DACH1: variants seen among roughly 807,000 people sequenced by gnomAD.
The protein encoded by DACH1 is dachshund homolog 1.
A neutral mutation model predicts 54.2 loss-of-function variants in DACH1; 12 were observed. The observed-to-expected ratio is 0.22, with a 90% CI of 0.14 to 0.36. The LOEUF is 0.36. Among genes scored for constraint, DACH1 ranks in the 10% least tolerant of loss-of-function variants. DACH1 has a pLI of 1.00. For missense variants in DACH1, 805 were observed against 929.8 expected, an observed-to-expected ratio of 0.87 and a Z score of 1.75; for synonymous variants, 386 against 366.2, an observed-to-expected ratio of 1.05 and a Z score of -0.62.
At chr13:71,532,817 T>C (rs1566321124) in intron 6 of DACH1, among the ~76,000 whole-genome samples, 2 of 152,088 alleles carry the variant, frequency 1.3e-5, no homozygotes, top group East Asian at 1.9e-4. Flanking sequence ...TATCAACTCA[T>C]ATATAAATAT....
chr13:71,649,224 G>C (rs1878505063), intron 2 of DACH1, among the ~76,000 whole-genome samples: 2 of 152,046 alleles, frequency 1.3e-5, no homozygotes. Flanking sequence ...GTATAGCCTA[G>C]GTATGTAGTA....
intron 1 of DACH1, among the ~76,000 whole-genome samples, chr13:71,784,064 A>C (rs1886494459): frequency 1.3e-5 from 2 of 151,938 alleles, no homozygotes; most frequent in Admixed American, 1.3e-4. Flanking sequence ...TGCCTTTATG[A>C]AATAGAGAGA....
At chr13:71,851,546 G>T (rs1873666498) in intron 1 of DACH1, among the ~76,000 whole-genome samples, 1 of 152,048 alleles carries the variant, frequency 6.6e-6, no homozygotes, top group South Asian at 2.1e-4. Flanking sequence ...ACTCCAGGGA[G>T]AATACTGAGC....
At chr13:71,463,315 A>C (rs1876267025) in intron 10 of DACH1, among the ~76,000 whole-genome samples, 2 of 152,010 alleles carry the variant, frequency 1.3e-5, no homozygotes, top group South Asian at 4.1e-4. Context: ...GTCTTGAGAA[A>C]AATGCAAGCT....
At chr13:71,653,012 T>G (rs1351789945) in intron 2 of DACH1, among the ~76,000 whole-genome samples, 1 of 152,184 alleles carries the variant, frequency 6.6e-6, no homozygotes, top group Non-Finnish European at 1.5e-5. Context: ...AGACCTCATC[T>G]TTCTACATAT....
At chr13:71,781,935 C>T (rs1263170935) in intron 1 of DACH1, among the ~76,000 whole-genome samples, 2 of 152,066 alleles carry the variant, frequency 1.3e-5, no homozygotes, top group South Asian at 2.1e-4. Context: ...TCAGATCATC[C>T]CATCTTCAGA....
Position 71,453,379 on chromosome 13 carries a change from C to T in DACH1, c.2084-12687G>A, listed in dbSNP as rs563448146. On this transcript the variant is annotated intron_variant, in intron 10 of 10. Coordinates refer to ENST00000613252, the MANE Select transcript of DACH1 (RefSeq NM_080759.6). ...ATTTCTTGTTTGATCAAATAAGATG[C>T]TACAGAGAAGGAAAACAGGGATATT... Among the ~76,000 whole-genome samples, 122 of 152,116 alleles carry T rather than the reference C, an allele frequency of 8.0e-4. 1 individual carries two copies. Among genetic ancestry groups the T allele is most frequent in the African/African-American group, 2.7e-3 (112 of 41,516 alleles).
chr13:71,459,222 A>C (rs1389786118), intron 10 of DACH1, among the ~76,000 whole-genome samples: 1 of 151,958 alleles, frequency 6.6e-6, no homozygotes, highest in Non-Finnish European at 1.5e-5. Context: ...TTGAAAATTC[A>C]AGAGGATATG....
At chr13:71,647,119 A>G (rs972279691) in intron 2 of DACH1, among the ~76,000 whole-genome samples, 13 of 152,218 alleles carry the variant, frequency 8.5e-5, no homozygotes, top group Non-Finnish European at 1.0e-4. Flanking sequence ...ACACTATCAA[A>G]TCACTTTATA....
At position 71,472,139 on chromosome 13, in the gene DACH1, A is replaced by G. The variant is rs138000476; in HGVS notation, c.2083+3002T>C. Among the ~76,000 whole-genome samples, 584 of 152,294 alleles carry G rather than the reference A, an allele frequency of 3.8e-3. 4 individuals are homozygous for G. The highest frequency in any genetic ancestry group is 0.01 in the Middle Eastern group (3 of 294). On this transcript the variant is annotated intron_variant, in intron 10 of 10. Transcript: ENST00000613252. The stretch of plus-strand genomic sequence containing the variant: ...TTCAGTTCCTGGAAGAAGTTTTTTT[A>G]AAATTTTTGAATGTCTGTTCTGTAC...
chr13:71,680,445 A>T (rs372006656), intron 2 of DACH1, among the ~76,000 whole-genome samples: 1 of 152,052 alleles, frequency 6.6e-6, no homozygotes, highest in Admixed American at 6.5e-5. Context: ...CTAGAAAAAA[A>T]ATACAAAAAT....
intron 1 of DACH1, among the ~76,000 whole-genome samples, chr13:71,759,430 T>C (rs964269267): frequency 1.3e-5 from 2 of 152,100 alleles, no homozygotes; most frequent in Admixed American, 1.3e-4. Context: ...AAACAAAACA[T>C]TAGTGAGAAA....
chr13:71,471,406 T>C (rs1038251814), intron 10 of DACH1, among the ~76,000 whole-genome samples: 1 of 151,956 alleles, frequency 6.6e-6, no homozygotes, highest in Non-Finnish European at 1.5e-5. Flanking sequence ...TATCTGGAGC[T>C]CTTAAGAGAT....
At chr13:71,753,290 C>T (rs1372459790) in intron 1 of DACH1, among the ~76,000 whole-genome samples, 1 of 152,034 alleles carries the variant, frequency 6.6e-6, no homozygotes, top group African/African-American at 2.4e-5. Flanking sequence ...ATCAATATCT[C>T]GCTGCAATAT....
intron 1 of DACH1, among the ~76,000 whole-genome samples, chr13:71,853,654 G>T (rs1873817318): frequency 6.6e-6 from 1 of 152,160 alleles, no homozygotes; most frequent in Non-Finnish European, 1.5e-5. Context: ...TTAAAAAAGA[G>T]ATTCTGCTTT....
chr13:71,565,468 A>C (rs1485164991), intron 4 of DACH1, among the ~76,000 whole-genome samples: 1 of 152,138 alleles, frequency 6.6e-6, no homozygotes, highest in Non-Finnish European at 1.5e-5. Flanking sequence ...CATCATTGAC[A>C]CTAAGAGTGG....
chr13:71,834,108 C>G (rs956057729), intron 1 of DACH1, among the ~76,000 whole-genome samples: 4 of 151,966 alleles, frequency 2.6e-5, no homozygotes, highest in Admixed American at 6.6e-5. Flanking sequence ...TCCAAGGACT[C>G]TTAATAAAAT....
chr13:71,604,184 T>C (rs541743391), intron 3 of DACH1, among the ~76,000 whole-genome samples: 3 of 152,126 alleles, frequency 2.0e-5, no homozygotes, highest in East Asian at 1.9e-4. Flanking sequence ...TCAGTGATTA[T>C]TGATATTTTC....
At chr13:71,713,833 G>T in intron 1 of DACH1, among the ~76,000 whole-genome samples, 1 of 152,020 alleles carries the variant, frequency 6.6e-6, no homozygotes, top group South Asian at 2.1e-4. Context: ...AAAAGAGAAT[G>T]ATCAAATTCA....
Sources: gnomAD v4.1 joint callset for allele counts (sites outside exome capture counted in the v4.1 genomes callset) on GRCh38, gnomAD v4.1.1 for gene constraint, MANE v1.5 for transcripts, NCBI Gene and HGNC (gene_info 2026-07-23, HGNC 2026-07-21) for gene names.